GLMN: variants seen among roughly 807,000 people sequenced by gnomAD.
GLMN encodes the protein glomulin, FKBP associated protein, also known as glomulin.
Under a neutral mutation model 87.8 loss-of-function variants are expected in GLMN, and 75 were observed. That is an observed-to-expected ratio of 0.85 (90% CI 0.71 to 1.04). The LOEUF (loss-of-function observed/expected upper bound fraction) is 1.04, where lower values mean the gene tolerates loss of function less well. Ranked by LOEUF, GLMN falls within the 50% of genes least tolerant of loss-of-function variation. The pLI, the probability that GLMN is intolerant of heterozygous loss-of-function variation, is 0.00. For missense variants in GLMN, 588 were observed against 658.8 expected (o/e 0.89, Z 1.18); for synonymous variants, 206 against 221.6 (o/e 0.93, Z 0.63).
chr1:92,365,980 TA>T, the GLMN span, among the ~76,000 whole-genome samples: 10 of 150,616 alleles, frequency 6.6e-5, 1 homozygote, highest in African/African-American at 1.7e-4. Context: ...GTCAGTCTCA[TA>T]AAAAAAAAAT....
At chr1:92,349,176 T>C in the GLMN span, among the ~76,000 whole-genome samples, 1 of 152,212 alleles carries the variant, frequency 6.6e-6, no homozygotes, top group Non-Finnish European at 1.5e-5. Context: ...CTTGTAGACA[T>C]TTCTGGAATT....
the GLMN span, among the ~76,000 whole-genome samples, chr1:92,316,599 A>G: frequency 2.0e-5 from 3 of 152,262 alleles, no homozygotes; most frequent in African/African-American, 7.2e-5. Context: ...ATAAAGAAAC[A>G]GCTTACAAGC....
chr1:92,264,991 G>A (rs1200402392), intron 13 of GLMN, among the ~76,000 whole-genome samples: 1 of 152,056 alleles, frequency 6.6e-6, no homozygotes, highest in African/African-American at 2.4e-5. Flanking sequence ...ACAGGCGCCC[G>A]CCACCGTGCC....
the GLMN span, among the ~76,000 whole-genome samples, chr1:92,305,228 C>T: frequency 8.6e-5 from 13 of 151,640 alleles, no homozygotes; most frequent in African/African-American, 2.9e-4. Flanking sequence ...GTCAGGAAAT[C>T]GAGACCATCC....
the GLMN span, among the ~76,000 whole-genome samples, chr1:92,321,478 T>A: frequency 1.4e-4 from 21 of 151,828 alleles, no homozygotes; most frequent in African/African-American, 2.2e-4. Flanking sequence ...ATATATATAT[T>A]TTTTTCTTTA....
chr1:92,298,635 G>A (rs1010701257), intron 1 of GLMN, among the ~76,000 whole-genome samples: 3 of 152,124 alleles, frequency 2.0e-5, no homozygotes, highest in Non-Finnish European at 4.4e-5. Context: ...AGACAACGGC[G>A]GCCTTCAGGA....
intron 13 of GLMN, among the ~76,000 whole-genome samples, chr1:92,265,323 CAA>C (rs67154270): frequency 3.1e-3 from 270 of 87,516 alleles, no homozygotes; most frequent in African/African-American, 0.011. Context: ...AGCTTAATTG[CAA>C]AAAAAAAAAA....
the GLMN span, among the ~76,000 whole-genome samples, chr1:92,368,210 C>T: frequency 2.0e-5 from 3 of 152,108 alleles, no homozygotes; most frequent in Non-Finnish European, 4.4e-5. Flanking sequence ...GAAACCCCAT[C>T]TCTAATAAAA....
the GLMN span, among the ~76,000 whole-genome samples, chr1:92,357,079 A>G: frequency 7.3e-6 from 1 of 137,008 alleles, no homozygotes; most frequent in Non-Finnish European, 1.5e-5. Flanking sequence ...AAAAAAAAAG[A>G]AAAAAAGGAT....
the GLMN span, among the ~76,000 whole-genome samples, chr1:92,350,626 T>C: frequency 2.8e-4 from 43 of 152,350 alleles, no homozygotes; most frequent in African/African-American, 1.0e-3. Context: ...TTAATAAAAA[T>C]GTATATAAGT....
intron 9 of GLMN, 50 bp downstream of exon 9, chr1:92,269,673 C>G (rs1656028763): frequency 8.5e-7 from 1 of 1,181,812 alleles, no homozygotes; most frequent in East Asian, 2.3e-5. Flanking sequence ...TTAACAAGGA[C>G]TATTTTAACA....
chr1:92,326,801 T>C, the GLMN span, among the ~76,000 whole-genome samples: 1 of 152,206 alleles, frequency 6.6e-6, no homozygotes, highest in Admixed American at 6.5e-5. Context: ...ACTCCCACCA[T>C]GTCCCTTCAA....
the GLMN span, among the ~76,000 whole-genome samples, chr1:92,313,956 T>C: frequency 1.5e-4 from 23 of 152,210 alleles, no homozygotes; most frequent in African/African-American, 5.3e-4. Flanking sequence ...TGCAGCTTCC[T>C]CACCTCTCTC....
chr1:92,342,873 G>A, the GLMN span, among the ~76,000 whole-genome samples: 1 of 152,204 alleles, frequency 6.6e-6, no homozygotes, highest in Admixed American at 6.5e-5. Context: ...AGTTTTGGGG[G>A]AAGGATGAGG....
chr1:92,300,922 CAT>C (rs1650804496), upstream of GLMN, among the ~76,000 whole-genome samples: 1 of 152,082 alleles, frequency 6.6e-6, no homozygotes, highest in African/African-American at 2.4e-5. Flanking sequence ...AGTTAATTAA[CAT>C]AAACAAATAC....
chr1:92,256,307 C>T lies in GLMN; in HGVS notation c.1473+6556G>A, dbSNP rs569759907. On this transcript the variant is annotated intron_variant, in intron 16 of 18. Coordinates refer to ENST00000370360, the MANE Select transcript of GLMN (RefSeq NM_053274.3). ...GCCCAGGACCAGACAGATTCACAGC[C>T]GCATTCTACCAGAGGTACAAAGAGG... Among the ~76,000 whole-genome samples the T allele has an allele frequency of 5.9e-5, 9 of 152,126 alleles. No homozygotes were observed. The East Asian group carries it at 7.7e-4, about 13-fold the overall frequency.
intron 16 of GLMN, among the ~76,000 whole-genome samples, chr1:92,257,056 G>A (rs1342466610): frequency 6.6e-6 from 1 of 152,224 alleles, no homozygotes; most frequent in African/African-American, 2.4e-5. Context: ...CTTTGGCAAA[G>A]TCTCAGGATA....
the GLMN span, chr1:92,324,432 C>A: frequency 7.8e-7 from 1 of 1,278,910 alleles, no homozygotes; most frequent in Non-Finnish European, 1.1e-6. Context: ...AAACTCACCA[C>A]AGCAAATCTT....
chr1:92,272,784 G>A lies in GLMN; in HGVS notation c.736-1132C>T, dbSNP rs77684885. On this transcript the variant is annotated intron_variant, in intron 7 of 18. Transcript: ENST00000370360. ...ACCACAGGGCTAAATAAAGCTTTCC[G>A]CTCAGGAAACAAGATCACTCCTATG... Among the ~76,000 whole-genome samples, 15 of 152,194 alleles carry A rather than the reference G, an allele frequency of 9.9e-5. 1 individual carries two copies. In the East Asian group the frequency reaches 2.3e-3, roughly 24 times the overall value.
Sources: allele counts gnomAD v4.1 joint callset (sites outside exome capture counted in the v4.1 genomes callset), GRCh38; gene constraint gnomAD v4.1.1; transcripts MANE v1.5; gene names NCBI Gene and HGNC (gene_info 2026-07-23, HGNC 2026-07-21).